ASAP1: variants seen among roughly 807,000 people sequenced by gnomAD.
ASAP1 encodes the protein arf-GAP with SH3 domain, ANK repeat and PH domain-containing protein 1.
In ASAP1, 43 loss-of-function variants were observed where a neutral mutation model predicts 145.2. That is an observed-to-expected ratio of 0.30 (90% CI 0.23 to 0.38). ASAP1 has a LOEUF of 0.38. ASAP1 is among the 10% of genes least tolerant of loss of function. The probability of loss-of-function intolerance (pLI) is 1.00; values close to 1 mark genes in which losing one functional copy is unlikely to be tolerated. For synonymous variants in ASAP1, 546 were observed against 515.5 expected, an observed-to-expected ratio of 1.06 and a Z score of -0.80; for missense variants, 1,018 against 1,355.3, an observed-to-expected ratio of 0.75 and a Z score of 3.91.
chr8:130,354,960 A>G (rs150855533), intron 3 of ASAP1, among the ~76,000 whole-genome samples: 6 of 152,314 alleles, frequency 3.9e-5, no homozygotes, highest in Admixed American at 3.9e-4. Context: ...ATCTTGGCTC[A>G]TTGTAACCTC....
chr8:130,134,958 C>G (rs1040572133), intron 14 of ASAP1, among the ~76,000 whole-genome samples: 1 of 152,198 alleles, frequency 6.6e-6, no homozygotes, highest in African/African-American at 2.4e-5. Context: ...GATGTTGGGG[C>G]TGCTCTCTGG....
chr8:130,126,154 G>A (rs2097574642), intron 16 of ASAP1, 65 bp from the exon 17 acceptor site: 2 of 1,470,946 alleles, frequency 1.4e-6, no homozygotes, highest in Admixed American at 2.1e-5. Flanking sequence ...GCCAACTACA[G>A]AGGAAGCTAA....
chr8:130,362,251 G>A (rs1477450921), intron 2 of ASAP1, among the ~76,000 whole-genome samples: 1 of 152,130 alleles, frequency 6.6e-6, no homozygotes, highest in Non-Finnish European at 1.5e-5. Context: ...AGTGTGGGTG[G>A]GGAGTCAGAG....
chr8:130,361,930 T>C (rs1826732189), intron 2 of ASAP1, among the ~76,000 whole-genome samples: 1 of 152,198 alleles, frequency 6.6e-6, no homozygotes, highest in East Asian at 1.9e-4. Context: ...GCATCATCTC[T>C]GTTGTCGCCA....
chr8:130,107,853 T>C lies in ASAP1; in HGVS notation c.2401+4241A>G, dbSNP rs181563221. Among the ~76,000 whole-genome samples, 5 of 152,294 alleles carry C rather than the reference T, an allele frequency of 3.3e-5. No homozygotes were observed. The East Asian group carries it at 9.6e-4, about 29-fold the overall frequency. On this transcript the variant is annotated intron_variant, in intron 24 of 29. Coordinates refer to ENST00000518721, the MANE Select transcript of ASAP1 (RefSeq NM_018482.4). ...CATGAGACACCACGCCCGACCACCATAGTCTCTTTTGTGTGGCACGGAAAA... is the reference window on the plus strand; with the variant it reads ...CATGAGACACCACGCCCGACCACCACAGTCTCTTTTGTGTGGCACGGAAAA...
At chr8:130,268,103 C>T (rs1820365471) in intron 3 of ASAP1, among the ~76,000 whole-genome samples, 1 of 152,144 alleles carries the variant, frequency 6.6e-6, no homozygotes, top group South Asian at 2.1e-4. Context: ...AAAATACAGA[C>T]ACAATCTCTG....
intron 9 of ASAP1, among the ~76,000 whole-genome samples, chr8:130,178,890 AG>A (rs998937365): frequency 6.6e-6 from 1 of 151,554 alleles, no homozygotes; most frequent in African/African-American, 2.4e-5. Flanking sequence ...TCCGTCTCAA[AG>A]GAAAAAAAAA....
intron 25 of ASAP1, among the ~76,000 whole-genome samples, chr8:130,086,299 G>A (rs369457830): frequency 4.5e-4 from 68 of 152,328 alleles, no homozygotes; most frequent in African/African-American, 1.5e-3. Flanking sequence ...TCTGCGCCCC[G>A]AAGTTGAGAT....
chr8:130,174,312 G>A (rs1030850416), intron 9 of ASAP1, among the ~76,000 whole-genome samples: 3 of 152,166 alleles, frequency 2.0e-5, no homozygotes, highest in Non-Finnish European at 4.4e-5. Context: ...AAGCACATGT[G>A]TGAGTTCTGA....
intron 1 of ASAP1, among the ~76,000 whole-genome samples, chr8:130,438,619 A>G (rs924015322): frequency 6.6e-5 from 10 of 152,242 alleles, no homozygotes; most frequent in South Asian, 4.1e-4. Flanking sequence ...GAGGGTTTGC[A>G]TGGGTTGGTA....
intron 3 of ASAP1, among the ~76,000 whole-genome samples, chr8:130,325,499 G>A (rs1824268723): frequency 6.6e-6 from 1 of 152,192 alleles, no homozygotes; most frequent in Non-Finnish European, 1.5e-5. Flanking sequence ...AGAGACATCT[G>A]TTCTTAAACT....
intron 3 of ASAP1, among the ~76,000 whole-genome samples, chr8:130,256,742 T>TATATATATCTCC (rs1565142491): frequency 4.1e-5 from 1 of 24,372 alleles, no homozygotes; most frequent in East Asian, 2.2e-3. Flanking sequence ...CACATTCTTA[T>TATATATATCTCC]ATATATATAT....
intron 5 of ASAP1, chr8:130,208,602 T>C (rs574015176): frequency 6.6e-6 from 1 of 152,284 alleles, no homozygotes; most frequent in African/African-American, 2.4e-5. Flanking sequence ...AGAACGTGGA[T>C]GTAAAAGACA....
chr8:130,290,706 C>CT (rs1444907038), intron 3 of ASAP1, among the ~76,000 whole-genome samples: 3 of 152,326 alleles, frequency 2.0e-5, no homozygotes, highest in Non-Finnish European at 4.4e-5. Flanking sequence ...ACTTGCTGAA[C>CT]TTTATCTGTG....
chr8:130,257,081 C>T (rs553518011), intron 3 of ASAP1, among the ~76,000 whole-genome samples: 1 of 151,936 alleles, frequency 6.6e-6, no homozygotes, highest in Non-Finnish European at 1.5e-5. Context: ...AACTGTTTTC[C>T]AAATGTCCAC....
intron 3 of ASAP1, among the ~76,000 whole-genome samples, chr8:130,290,656 G>T (rs1330505337): frequency 6.6e-6 from 1 of 152,186 alleles, no homozygotes; most frequent in African/African-American, 2.4e-5. Flanking sequence ...CATTTATAAA[G>T]CTTTTCAAAA....
chr8:130,266,531 T>C (rs577350431), intron 3 of ASAP1, among the ~76,000 whole-genome samples: 2 of 152,114 alleles, frequency 1.3e-5, no homozygotes, highest in Non-Finnish European at 2.9e-5. Context: ...AAAACCACTC[T>C]GGAAGGTAAT....
intron 3 of ASAP1, among the ~76,000 whole-genome samples, chr8:130,337,596 T>C (rs767233652): frequency 1.3e-5 from 2 of 152,210 alleles, no homozygotes; most frequent in African/African-American, 4.8e-5. Flanking sequence ...TGGTTATGTA[T>C]AGATGGGGGT....
chr8:130,345,686 C>T (rs555675421), intron 3 of ASAP1, among the ~76,000 whole-genome samples: 186 of 152,272 alleles, frequency 1.2e-3, no homozygotes, highest in African/African-American at 4.4e-3. Context: ...ACAGGCTGGG[C>T]ACAGGTGGCT....
Sources: gnomAD v4.1 joint callset for allele counts (sites outside exome capture counted in the v4.1 genomes callset) on GRCh38, gnomAD v4.1.1 for gene constraint, MANE v1.5 for transcripts, NCBI Gene and HGNC (gene_info 2026-07-23, HGNC 2026-07-21) for gene names.